Variants in EBF1 observed in about 807,000 individuals in gnomAD.
The protein encoded by EBF1 is EBF transcription factor 1.
A neutral mutation model predicts 68.4 loss-of-function variants in EBF1; 10 were observed. The ratio of observed to expected loss-of-function variants is 0.15; its 90% confidence interval spans 0.09 to 0.25. The LOEUF is 0.25. Among genes scored for constraint, EBF1 ranks in the 10% least tolerant of loss-of-function variants. The pLI is 1.00. For missense variants in EBF1, 509 were observed against 794.4 expected (o/e 0.64, Z 4.32); for synonymous variants, 298 against 299.8 (o/e 0.99, Z 0.06).
At chr5:158,935,763 G>C (rs1053140738) in intron 6 of EBF1, among the ~76,000 whole-genome samples, 1 of 152,116 alleles carries the variant, frequency 6.6e-6, no homozygotes, top group Admixed American at 6.5e-5. Flanking sequence ...ATCTGAAGTA[G>C]GGACCATGTA....
chr5:159,084,570 C>T lies in EBF1; in HGVS notation c.485+96G>A, dbSNP rs1362428069. 10 of 934,550 alleles carry T rather than the reference C, an allele frequency of 1.1e-5. 1 individual carries two copies. The highest frequency in any genetic ancestry group is 4.9e-5 in the South Asian group (2 of 41,096). 57.9% of individuals were successfully genotyped at this position (934,550 alleles called of 1,614,324 possible). A position where few individuals can be genotyped will look rare whatever the true frequency, so the allele number is the denominator to read the frequency against. Reference sequence around the variant, plus strand: ...TCTATAGAAGCAAGACAAATGTGTACCAAAAAAAAAAAAAAAGACCAAAGT... The same window carrying T: ...TCTATAGAAGCAAGACAAATGTGTATCAAAAAAAAAAAAAAAGACCAAAGT... On this transcript the variant is annotated intron_variant, in intron 5 of 15. Transcript: ENST00000313708.
chr5:158,758,938 T>C (rs978537889), intron 10 of EBF1, among the ~76,000 whole-genome samples: 21 of 152,188 alleles, frequency 1.4e-4, no homozygotes, highest in African/African-American at 5.1e-4. Context: ...ATCATCCAGC[T>C]TCATAATGAT....
chr5:158,765,983 A>G (rs1406035101), intron 10 of EBF1, among the ~76,000 whole-genome samples: 1 of 152,208 alleles, frequency 6.6e-6, no homozygotes, highest in Non-Finnish European at 1.5e-5. Context: ...AAGTTATCTC[A>G]TTAAATATTT....
intron 6 of EBF1, among the ~76,000 whole-genome samples, chr5:158,944,402 T>C (rs911932981): frequency 1.6e-4 from 25 of 152,208 alleles, no homozygotes; most frequent in African/African-American, 5.8e-4. Context: ...ATGAACTCAT[T>C]CTTTTTTATG....
chr5:159,012,126 A>G (rs980992161), intron 6 of EBF1, among the ~76,000 whole-genome samples: 1 of 152,050 alleles, frequency 6.6e-6, no homozygotes, highest in Non-Finnish European at 1.5e-5. Context: ...ATCTCTACTA[A>G]AAATACATAA....
intron 9 of EBF1, among the ~76,000 whole-genome samples, chr5:158,793,035 G>T (rs1325442400): frequency 6.6e-6 from 1 of 152,124 alleles, no homozygotes; most frequent in Admixed American, 6.5e-5. Context: ...AGTTAAGAAG[G>T]TAAGCCCTGG....
At chr5:159,084,877 T>C (rs1453396876) in intron 4 of EBF1, 138 bp from the exon 5 acceptor site, 2 of 583,866 alleles carry the variant, frequency 3.4e-6, no homozygotes, top group East Asian at 6.2e-5. Flanking sequence ...ATCACTGGGT[T>C]GATCGTCTGA....
At chr5:158,810,488 C>G (rs1782450489) in intron 8 of EBF1, among the ~76,000 whole-genome samples, 1 of 152,040 alleles carries the variant, frequency 6.6e-6, no homozygotes, top group South Asian at 2.1e-4. Flanking sequence ...TACTTTGCCC[C>G]AAGGACGATG....
chr5:158,853,212 C>A (rs1793320428), intron 6 of EBF1, among the ~76,000 whole-genome samples: 1 of 152,158 alleles, frequency 6.6e-6, no homozygotes, highest in African/African-American at 2.4e-5. Context: ...ACTCAAGAGT[C>A]TTTACATTTC....
At position 158,696,295 on chromosome 5, in the gene EBF1, G is replaced by A. The variant is rs1329226353; in HGVS notation, c.*2816C>T. On this transcript the variant is annotated 3_prime_UTR_variant, in exon 16 of 16. Transcript: ENST00000313708. Reference sequence around the variant, plus strand: ...CTTTTATTTGTAAAACTTTTGTGGAGAAGAAAGAGGATCAGAGGGCCAGAA... The same window carrying A: ...CTTTTATTTGTAAAACTTTTGTGGAAAAGAAAGAGGATCAGAGGGCCAGAA... The A allele has an allele frequency of 9.1e-6, 2 of 220,056 alleles. No individual in the cohort carries two copies. The highest frequency in any genetic ancestry group is 1.8e-5 in the Non-Finnish European group (2 of 109,848). 13.6% of individuals were successfully genotyped at this position (220,056 alleles called of 1,614,324 possible).
Position 158,882,762 on chromosome 5 carries a change from G to A in EBF1, c.555-42652C>T, listed in dbSNP as rs548331092. Among the ~76,000 whole-genome samples, 58 of 152,320 alleles carry A rather than the reference G, an allele frequency of 3.8e-4. No homozygotes were observed. In the South Asian group the frequency reaches 6.2e-3, roughly 16 times the overall value. On this transcript the variant is annotated intron_variant, in intron 6 of 15. Coordinates refer to ENST00000313708, the MANE Select transcript of EBF1 (RefSeq NM_024007.5). ...CATATCTTCTCCAATAGGAGGTTTC[G>A]ATAGCACAGGGATATTCATGGAGCA...
chr5:158,958,468 T>A (rs1311823364), intron 6 of EBF1, among the ~76,000 whole-genome samples: 1 of 152,146 alleles, frequency 6.6e-6, no homozygotes, highest in Non-Finnish European at 1.5e-5. Context: ...CTCATTTTTT[T>A]CTTCTTCAAA....
intron 10 of EBF1, among the ~76,000 whole-genome samples, chr5:158,732,771 AT>A (rs987844822): frequency 1.2e-4 from 18 of 152,160 alleles, no homozygotes; most frequent in African/African-American, 3.4e-4. Context: ...TATTAGAAAG[AT>A]TTTTTTCCCC....
chr5:158,929,518 G>T (rs1328725229), intron 6 of EBF1, among the ~76,000 whole-genome samples: 1 of 151,776 alleles, frequency 6.6e-6, no homozygotes, highest in Admixed American at 6.6e-5. Context: ...CCCTATAATG[G>T]TGTCATTTAC....
chr5:158,869,445 C>T (rs1056015091), intron 6 of EBF1, among the ~76,000 whole-genome samples: 2 of 152,092 alleles, frequency 1.3e-5, no homozygotes, highest in African/African-American at 4.8e-5. Context: ...AGGGAATACC[C>T]GCCCCCGACC....
chr5:159,073,952 G>C (rs1479767203), intron 5 of EBF1, among the ~76,000 whole-genome samples: 1 of 152,280 alleles, frequency 6.6e-6, no homozygotes, highest in African/African-American at 2.4e-5. Context: ...TTTATGGGTA[G>C]CATTTCCTTC....
At chr5:158,962,011 G>A (rs369212668) in intron 6 of EBF1, among the ~76,000 whole-genome samples, 11 of 152,128 alleles carry the variant, frequency 7.2e-5, no homozygotes, top group Non-Finnish European at 1.0e-4. Context: ...CATCTGTGCC[G>A]ATGCACAGGC....
At chr5:158,742,713 A>G (rs1766683845) in intron 10 of EBF1, among the ~76,000 whole-genome samples, 2 of 152,302 alleles carry the variant, frequency 1.3e-5, no homozygotes, top group South Asian at 2.1e-4. Context: ...AACCTTCCCC[A>G]TCTCCTTTAT....
intron 6 of EBF1, chr5:158,986,828 GT>G (rs1759191029): frequency 6.6e-6 from 1 of 152,130 alleles, no homozygotes; most frequent in East Asian, 1.9e-4. Flanking sequence ...CCAAATATTA[GT>G]AATTATTATT....
Sources: gnomAD v4.1 joint callset for allele counts (sites outside exome capture counted in the v4.1 genomes callset) on GRCh38, gnomAD v4.1.1 for gene constraint, MANE v1.5 for transcripts, NCBI Gene and HGNC (gene_info 2026-07-23, HGNC 2026-07-21) for gene names.